The following ZNF407 variants were observed in gnomAD, a reference collection of about 807,000 sequenced individuals.
ZNF407 encodes the protein zinc finger protein 407.
Under a neutral mutation model 131.2 loss-of-function variants are expected in ZNF407, and 17 were observed. That is an observed-to-expected ratio of 0.13 (90% CI 0.09 to 0.19). The LOEUF (loss-of-function observed/expected upper bound fraction) is 0.19. Ranked by LOEUF, ZNF407 falls within the 10% of genes least tolerant of loss-of-function variation. The probability of loss-of-function intolerance (pLI) is 1.00; values close to 1 mark genes in which losing one functional copy is unlikely to be tolerated. For synonymous variants in ZNF407, 1,156 were observed against 1,062.0 expected, an observed-to-expected ratio of 1.09 and a Z score of -1.72; for missense variants, 2,681 against 2,830.6, an observed-to-expected ratio of 0.95 and a Z score of 1.20.
intron 8 of ZNF407, among the ~76,000 whole-genome samples, chr18:74,944,978 AAATGTACT>A (rs1568278750): frequency 6.6e-6 from 1 of 152,190 alleles, no homozygotes; most frequent in East Asian, 1.9e-4. Context: ...TCCCTGACAG[AAATGTACT>A]CCTTGGTTTA....
rs914428946 is a variant in ZNF407 at position 74,846,759 on chromosome 18, C to T, written c.4878-30438C>T. ...CTGTAACCCCAGCACTTTGGGAGGCCGAGGCTGGCGGAACACGAGGTCAGG... is the reference window on the plus strand; with the variant it reads ...CTGTAACCCCAGCACTTTGGGAGGCTGAGGCTGGCGGAACACGAGGTCAGG... On this transcript the variant is annotated intron_variant, in intron 4 of 8. Coordinates refer to ENST00000299687, the MANE Select transcript of ZNF407 (RefSeq NM_017757.3). Among the ~76,000 whole-genome samples, 8 of 151,618 alleles carry T rather than the reference C, an allele frequency of 5.3e-5. No individual in the cohort carries two copies. The East Asian group carries it at 7.9e-4, about 15-fold the overall frequency.
chr18:74,611,962 T>C (rs1442750905), intron 1 of ZNF407, among the ~76,000 whole-genome samples: 3 of 152,150 alleles, frequency 2.0e-5, no homozygotes, highest in Admixed American at 1.3e-4. Context: ...AGTCACGCTC[T>C]TTGTAAGAGG....
rs374988799 is a variant in ZNF407, at chr18:74,632,464, C to A, written c.1445C>A (p.Ala482Glu). The A allele has an allele frequency of 6.2e-7, 1 of 1,613,912 alleles. No homozygotes were observed. The highest frequency in any genetic ancestry group is 8.5e-7 in the Non-Finnish European group (1 of 1,179,914). Residue 482 changes from alanine (A) to glutamate (E), a missense_variant, in exon 2 of 9, where the codon GCG becomes GAG. This residue lies in a region of ZNF407 where 1,789 missense variants were observed against 1,748.7 expected (regional missense o/e 1.02). Coordinates refer to ENST00000299687, the MANE Select transcript of ZNF407 (RefSeq NM_017757.3). The part of the protein sequence containing the change: ...DAESVLKHLE[A>E]CSSVQRVCVT... ...GAATCAGTGCTGAAACACCTGGAAG[C>A]GTGCAGCAGTGTGCAGAGAGTGTGT...
intron 8 of ZNF407, among the ~76,000 whole-genome samples, chr18:74,972,892 C>G (rs1972488080): frequency 6.6e-6 from 1 of 152,072 alleles, no homozygotes; most frequent in Non-Finnish European, 1.5e-5. Context: ...TTTTTAAATC[C>G]TCTTTAACAA....
intron 8 of ZNF407, among the ~76,000 whole-genome samples, chr18:75,013,570 C>T (rs1160820921): frequency 6.6e-6 from 1 of 152,046 alleles, no homozygotes; most frequent in Non-Finnish European, 1.5e-5. Context: ...GAAGCAAGGT[C>T]AAAACAGAAG....
At chr18:74,754,278 T>G (rs922902883) in intron 3 of ZNF407, among the ~76,000 whole-genome samples, 2 of 152,224 alleles carry the variant, frequency 1.3e-5, no homozygotes, top group African/African-American at 4.8e-5. Context: ...ATCAATTCTG[T>G]TGATCTTTTC....
At chr18:74,775,753 G>A (rs1969456575) in intron 3 of ZNF407, among the ~76,000 whole-genome samples, 1 of 152,192 alleles carries the variant, frequency 6.6e-6, no homozygotes, top group Non-Finnish European at 1.5e-5. Flanking sequence ...GCAGCCTGTA[G>A]AGGAAGCATC....
At chr18:75,034,699 A>C (rs552101426) in intron 8 of ZNF407, among the ~76,000 whole-genome samples, 2 of 152,190 alleles carry the variant, frequency 1.3e-5, no homozygotes, top group Non-Finnish European at 2.9e-5. Context: ...GTTTAGTTCT[A>C]AATATTTTCA....
At chr18:74,824,756 G>A (rs1355197348) in intron 4 of ZNF407, among the ~76,000 whole-genome samples, 1 of 152,142 alleles carries the variant, frequency 6.6e-6, no homozygotes, top group Admixed American at 6.5e-5. Context: ...AGGAACAGAC[G>A]GATTCACAGC....
intron 3 of ZNF407, among the ~76,000 whole-genome samples, chr18:74,701,788 G>A (rs529234738): frequency 2.6e-4 from 39 of 151,796 alleles, no homozygotes; most frequent in African/African-American, 8.5e-4. Flanking sequence ...ATTTAGGCTC[G>A]CCCTGTCACC....
chr18:74,879,773 G>A (rs900431779), intron 5 of ZNF407, among the ~76,000 whole-genome samples: 7 of 152,102 alleles, frequency 4.6e-5, no homozygotes, highest in Admixed American at 6.5e-5. Flanking sequence ...AAGATTAAGC[G>A]TAATTTGGTT....
rs763677212 is a variant in ZNF407 at position 74,703,707 on chromosome 18, C to G, written c.4802+62585C>G. Among the ~76,000 whole-genome samples, 15 of 151,892 alleles carry G rather than the reference C, an allele frequency of 9.9e-5. No homozygotes were observed. Among genetic ancestry groups the G allele is most frequent in the Non-Finnish European group, 1.9e-4 (13 of 67,980 alleles). Reference sequence around the variant, plus strand: ...GCTATGAGATTGATTTTTTTTTTAACTGAATATGGTAATGTTTTTAATACA... The same window carrying G: ...GCTATGAGATTGATTTTTTTTTTAAGTGAATATGGTAATGTTTTTAATACA... On this transcript the variant is annotated intron_variant, in intron 3 of 8. Transcript: ENST00000299687. The surrounding 1 kb of genome is among the most constrained non-coding windows in gnomAD (Gnocchi z 4.1).
At chr18:74,833,629 A>G (rs1970515321) in intron 4 of ZNF407, among the ~76,000 whole-genome samples, 1 of 152,230 alleles carries the variant, frequency 6.6e-6, no homozygotes, top group South Asian at 2.1e-4. Flanking sequence ...AGAGGGAGGT[A>G]AGCAAGGCTC....
chr18:74,657,213 A>G (rs1985501311), intron 3 of ZNF407, among the ~76,000 whole-genome samples: 2 of 152,066 alleles, frequency 1.3e-5, no homozygotes, highest in Admixed American at 6.5e-5. Flanking sequence ...CGTGGAAACT[A>G]AAATTGAGGG....
At position 74,605,801 on chromosome 18, in the gene ZNF407, A is replaced by G. The variant is rs145558407; in HGVS notation, c.-54+7864A>G. 1.5e-4 allele frequency among the ~76,000 whole-genome samples: 23 copies of G among 152,346 alleles called. 1 individual carries two copies. In the East Asian group the frequency reaches 3.7e-3, roughly 24 times the overall value. On this transcript the variant is annotated intron_variant, in intron 1 of 8. Transcript: ENST00000299687. ...ATAATTGTGGGACACACATTGGTAT[A>G]CTAGAAAGGTACGTCATTAACTAGC...
At chr18:74,921,756 A>C (rs777035173) in intron 8 of ZNF407, among the ~76,000 whole-genome samples, 3 of 152,200 alleles carry the variant, frequency 2.0e-5, no homozygotes, top group Non-Finnish European at 4.4e-5. Flanking sequence ...ATTTATGCCT[A>C]TCTGTGCCAT....
chr18:74,713,382 T>A (rs1056057913), intron 3 of ZNF407, among the ~76,000 whole-genome samples: 6 of 108,700 alleles, frequency 5.5e-5, no homozygotes, highest in East Asian at 2.6e-4. Context: ...TTTTTTTTTT[T>A]ACATATCTTG....
At chr18:75,043,641 G>C (rs768816363) in intron 8 of ZNF407, among the ~76,000 whole-genome samples, 1 of 152,210 alleles carries the variant, frequency 6.6e-6, no homozygotes, top group African/African-American at 2.4e-5. Context: ...ACTGAATGCA[G>C]TGTTCTGCTT....
At chr18:74,601,329 C>CTGTG (rs60358173) in intron 1 of ZNF407, among the ~76,000 whole-genome samples, 14,023 of 144,736 alleles carry the variant, frequency 0.097, 939 homozygotes, top group African/African-American at 0.17. Flanking sequence ...GTGTGTATGT[C>CTGTG]TGTGTGTGTG....
Sources: gnomAD v4.1 joint callset for allele counts (sites outside exome capture counted in the v4.1 genomes callset) on GRCh38, gnomAD v4.1.1 for gene constraint, gnomAD v4.1.1 regional missense constraint, Gnocchi (gnomAD v3.1) non-coding constraint, MANE v1.5 for transcripts, NCBI Gene and HGNC (gene_info 2026-07-23, HGNC 2026-07-21) for gene names.